CATSPERT: variants seen among roughly 807,000 people sequenced by gnomAD.
CATSPERT encodes the protein catsper channel auxiliary subunit tau, also known as cation channel sperm-associated targeting subunit tau.
the CATSPERT span, among the ~76,000 whole-genome samples, chr2:201,578,865 T>C: frequency 6.6e-6 from 1 of 152,190 alleles, no homozygotes; most frequent in Admixed American, 6.5e-5. Context: ...AAAGGAACTT[T>C]AGTCATTTCC....
At chr2:201,537,314 C>T in the CATSPERT span, 13 of 757,698 alleles carry the variant, frequency 1.7e-5, 1 homozygote, top group Middle Eastern at 4.0e-4. Flanking sequence ...TAATAGAAAC[C>T]ATAAAACAAC....
chr2:201,560,932 G>A, the CATSPERT span, among the ~76,000 whole-genome samples: 2 of 151,970 alleles, frequency 1.3e-5, no homozygotes, highest in South Asian at 2.1e-4. Context: ...ACAGGTGCCC[G>A]CCACCACGCC....
chr2:201,528,371 A>G, the CATSPERT span, among the ~76,000 whole-genome samples: 2 of 152,218 alleles, frequency 1.3e-5, no homozygotes, highest in Non-Finnish European at 2.9e-5. Context: ...CAAAGAACTT[A>G]AAACAGAACT....
chr2:201,549,642 C>G, the CATSPERT span: 3 of 152,024 alleles, frequency 2.0e-5, no homozygotes, highest in East Asian at 5.8e-4. Flanking sequence ...TGTGGCATAC[C>G]TATTCCAGTC....
At chr2:201,525,801 C>T in the CATSPERT span, among the ~76,000 whole-genome samples, 1 of 152,036 alleles carries the variant, frequency 6.6e-6, no homozygotes, top group Non-Finnish European at 1.5e-5. Context: ...ATCAACTCCA[C>T]AGAAATACAA....
chr2:201,541,789 T>G, the CATSPERT span, among the ~76,000 whole-genome samples: 1 of 151,836 alleles, frequency 6.6e-6, no homozygotes, highest in Non-Finnish European at 1.5e-5. Flanking sequence ...AGAGATAGGG[T>G]TTCACCATGT....
chr2:201,494,338 T>C, the CATSPERT span: 1 of 1,537,192 alleles, frequency 6.5e-7, no homozygotes, highest in Non-Finnish European at 8.7e-7. Flanking sequence ...TTGTTTTAAA[T>C]ATTCTATATG....
the CATSPERT span, among the ~76,000 whole-genome samples, chr2:201,548,776 T>C: frequency 6.6e-6 from 1 of 152,090 alleles, no homozygotes; most frequent in Non-Finnish European, 1.5e-5. Context: ...TGAATATAGA[T>C]GTGAACATTA....
At chr2:201,494,859 T>C in the CATSPERT span, 1 of 1,183,800 alleles carries the variant, frequency 8.4e-7, no homozygotes, top group African/African-American at 1.5e-5. Flanking sequence ...TCAATGTATC[T>C]ATTCAGTCTC....
the CATSPERT span, among the ~76,000 whole-genome samples, chr2:201,515,194 T>G: frequency 7.5e-6 from 1 of 133,766 alleles, no homozygotes; most frequent in Non-Finnish European, 1.6e-5. Context: ...GTTGTGAATC[T>G]GCCCATAGTT....
the CATSPERT span, among the ~76,000 whole-genome samples, chr2:201,582,472 G>T: frequency 2.1e-3 from 319 of 151,970 alleles, no homozygotes; most frequent in African/African-American, 7.3e-3. Flanking sequence ...ATATCTAACG[G>T]CAATTATCAT....
chr2:201,544,217 C>T, the CATSPERT span, among the ~76,000 whole-genome samples: 1 of 152,128 alleles, frequency 6.6e-6, no homozygotes, highest in Non-Finnish European at 1.5e-5. Context: ...CATAGTATTC[C>T]ATGGTGTATA....
At chr2:201,565,803 C>T in the CATSPERT span, 2 of 1,611,522 alleles carry the variant, frequency 1.2e-6, no homozygotes, top group South Asian at 1.1e-5. Context: ...CAGCTGGAGT[C>T]CCAACAGTAA....
the CATSPERT span, among the ~76,000 whole-genome samples, chr2:201,541,892 G>A: frequency 0.018 from 2,707 of 151,412 alleles, 42 homozygotes; most frequent in Non-Finnish European, 0.029. Context: ...CACTGTGCCT[G>A]GCCTCTCTAT....
At chr2:201,500,896 C>T in the CATSPERT span, among the ~76,000 whole-genome samples, 13 of 151,916 alleles carry the variant, frequency 8.6e-5, no homozygotes, top group Admixed American at 7.2e-4. Context: ...AGCTAGAAAT[C>T]AGTAATAGAA....
chr2:201,534,040 TTATCTATCTATCTATC>T, the CATSPERT span, among the ~76,000 whole-genome samples: 5,528 of 148,638 alleles, frequency 0.037, 139 homozygotes, highest in Non-Finnish European at 0.053. Flanking sequence ...GATCTGTATA[TTATCTATCTATCTATC>T]TATCTATCTA....
At chr2:201,616,912 T>C in the CATSPERT span, among the ~76,000 whole-genome samples, 7 of 152,008 alleles carry the variant, frequency 4.6e-5, no homozygotes, top group Non-Finnish European at 1.0e-4. Flanking sequence ...TATACACCAA[T>C]AACAGACAAA....
the CATSPERT span, among the ~76,000 whole-genome samples, chr2:201,489,625 T>G: frequency 6.6e-6 from 1 of 152,152 alleles, no homozygotes; most frequent in African/African-American, 2.4e-5. Context: ...TCAAAGCAAT[T>G]ACGCAGAAAT....
chr2:201,587,426 T>G, the CATSPERT span, among the ~76,000 whole-genome samples: 2 of 152,096 alleles, frequency 1.3e-5, no homozygotes, highest in Non-Finnish European at 2.9e-5. Flanking sequence ...TTTCACCATC[T>G]TTTTGAAGTA....
Sources: allele counts gnomAD v4.1 joint callset (sites outside exome capture counted in the v4.1 genomes callset), GRCh38; gene constraint gnomAD v4.1.1; transcripts MANE v1.5; gene names NCBI Gene and HGNC (gene_info 2026-07-23, HGNC 2026-07-21).